ELMOD2: variants seen among roughly 807,000 people sequenced by gnomAD.
The protein encoded by ELMOD2 is ELMO domain containing 2, also known as ELMO domain-containing protein 2.
A neutral mutation model predicts 41.0 loss-of-function variants in ELMOD2; 28 were observed. That is an observed-to-expected ratio of 0.68 (90% CI 0.51 to 0.94). The LOEUF is 0.94. Ranked by LOEUF, ELMOD2 falls within the 40% of genes least tolerant of loss-of-function variation. The pLI, the probability that ELMOD2 is intolerant of heterozygous loss-of-function variation, is 0.00. For synonymous variants in ELMOD2, 106 were observed against 107.2 expected (o/e 0.99, Z 0.07); for missense variants, 333 against 343.1 (o/e 0.97, Z 0.23).
rs1735167490 is a variant in ELMOD2 at position 140,543,392 on chromosome 4, TTTTAA to T, written c.603-56_603-52del. ...CACTTTCTACTAATTCCTAACATAA[TTTTAA>T]TTTATTTTATGAGTTATTTGGCTAG... On this transcript the variant is annotated intron_variant, in intron 7 of 8. Transcript: ENST00000323570. 14 of 1,533,002 alleles carry T rather than the reference TTTTAA, an allele frequency of 9.1e-6. No homozygotes were observed. In the South Asian group the frequency reaches 1.7e-4, roughly 18 times the overall value. The allele number at this position is 1,533,002 out of a possible 1,614,324, so 95.0% of individuals were successfully genotyped here. A position where few individuals can be genotyped will look rare whatever the true frequency, so the allele number is the denominator to read the frequency against.
intron 8 of ELMOD2, among the ~76,000 whole-genome samples, chr4:140,546,916 A>C (rs1236316004): frequency 6.6e-6 from 1 of 152,168 alleles, no homozygotes; most frequent in Non-Finnish European, 1.5e-5. Context: ...TCATCCTGGA[A>C]ACAGTGAAGC....
intron 3 of ELMOD2, among the ~76,000 whole-genome samples, chr4:140,533,202 T>C (rs1432471307): frequency 2.0e-5 from 3 of 152,182 alleles, no homozygotes; most frequent in Non-Finnish European, 2.9e-5. Flanking sequence ...CAGACTACTT[T>C]TGAAGATTCT....
chr4:140,536,997 TAAAG>T (rs1734950176), intron 4 of ELMOD2, among the ~76,000 whole-genome samples: 2 of 152,126 alleles, frequency 1.3e-5, no homozygotes, highest in Non-Finnish European at 2.9e-5. Flanking sequence ...ATCTAGACAC[TAAAG>T]AAAGAGCATG....
intron 3 of ELMOD2, among the ~76,000 whole-genome samples, chr4:140,533,514 G>A (rs1186705860): frequency 2.0e-5 from 3 of 152,050 alleles, no homozygotes; most frequent in Non-Finnish European, 4.4e-5. Context: ...AATTTAATAC[G>A]GATGTTAGAC....
intron 8 of ELMOD2, among the ~76,000 whole-genome samples, chr4:140,544,324 C>T (rs1024240307): frequency 1.3e-5 from 2 of 152,034 alleles, no homozygotes; most frequent in African/African-American, 2.4e-5. Context: ...GTCTCCTTTT[C>T]GCAGAAACTT....
At chr4:140,540,488 T>C (rs962790213) in intron 6 of ELMOD2, among the ~76,000 whole-genome samples, 187 bp downstream of exon 6, 2 of 152,238 alleles carry the variant, frequency 1.3e-5, no homozygotes, top group African/African-American at 4.8e-5. Flanking sequence ...GCACAGTGGC[T>C]CACGCCTGTA....
At chr4:140,541,873 C>A (rs1156514104) in intron 6 of ELMOD2, among the ~76,000 whole-genome samples, 11 of 151,910 alleles carry the variant, frequency 7.2e-5, no homozygotes, top group Admixed American at 6.6e-4. Context: ...ATGAAAATGT[C>A]AATGATTTTG....
Position 140,543,562 on chromosome 4 carries a change from A to C in ELMOD2, c.712A>C (p.Met238Leu). The C allele has an allele frequency of 1.9e-6, 3 of 1,598,306 alleles. No homozygotes were observed. The highest frequency in any genetic ancestry group is 2.6e-6 in the Non-Finnish European group (3 of 1,175,794). ...TAACCTTGTTCCTGGTATACCAACA[A>C]TGGAACACTTTCATCAGTTTTACTG... ...LYNLVPGIPT[M>L]EHFHQFYCYL... Residue 238 changes from methionine to leucine, a missense_variant, in exon 8 of 9, where the codon ATG (methionine) becomes CTG (leucine). By Grantham distance (15) the Met-to-Leu change is conservative (BLOSUM62 2). Coordinates refer to ENST00000323570, the MANE Select transcript of ELMOD2 (RefSeq NM_153702.4).
chr4:140,543,639 A>G lies in ELMOD2; in HGVS notation c.736+53A>G. The stretch of plus-strand genomic sequence containing the variant: ...ATCTTTCTAAGATAATTCTTAAACC[A>G]CTAGGAATGTATAATATATATTTTA... On this transcript the variant is annotated intron_variant, in intron 8 of 8. Coordinates refer to ENST00000323570, the MANE Select transcript of ELMOD2 (RefSeq NM_153702.4). 7.5e-6 allele frequency: 10 copies of G among 1,336,622 alleles called. No individual in the cohort carries two copies. The South Asian group carries it at 1.5e-4, about 20-fold the overall frequency. 82.8% of individuals were successfully genotyped at this position (1,336,622 alleles called of 1,614,324 possible).
At chr4:140,548,748 A>G (rs1735371781) in intron 8 of ELMOD2, among the ~76,000 whole-genome samples, 1 of 152,178 alleles carries the variant, frequency 6.6e-6, no homozygotes, top group Admixed American at 6.6e-5. Context: ...CTGACAGTAT[A>G]TGAGCATTTA....
intron 8 of ELMOD2, 25 bp downstream of exon 8, chr4:140,543,611 T>C (rs747242417): frequency 2.0e-6 from 3 of 1,535,242 alleles, no homozygotes; most frequent in South Asian, 2.5e-5. Context: ...GAGTTAAAAC[T>C]AGATCTTTCT....
Position 140,539,587 on chromosome 4 carries a change from C to G in ELMOD2, c.400-581C>G, listed in dbSNP as rs1401182787. 2.0e-5 allele frequency among the ~76,000 whole-genome samples: 3 copies of G among 152,148 alleles called. No individual in the cohort carries two copies. The East Asian group carries it at 5.8e-4, about 29-fold the overall frequency. The stretch of plus-strand genomic sequence containing the variant: ...GGTCTTGATCTCCTGACCTGGTGAT[C>G]CACCTGCCTCGGCCTCCCAAAGGGC... On this transcript the variant is annotated intron_variant, in intron 5 of 8. Coordinates refer to ENST00000323570, the MANE Select transcript of ELMOD2 (RefSeq NM_153702.4).
At chr4:140,543,343 T>C in intron 7 of ELMOD2, 110 bp from the exon 8 acceptor site, 1 of 1,188,972 alleles carries the variant, frequency 8.4e-7, no homozygotes, top group Non-Finnish European at 1.2e-6. Flanking sequence ...TATCATAAAA[T>C]CAATACTGTG....
intron 4 of ELMOD2, among the ~76,000 whole-genome samples, chr4:140,536,704 A>G (rs925813334): frequency 3.3e-5 from 5 of 152,184 alleles, no homozygotes; most frequent in Admixed American, 3.3e-4. Flanking sequence ...CAAACAAGCT[A>G]CATTTTTAGA....
intron 8 of ELMOD2, among the ~76,000 whole-genome samples, chr4:140,548,167 G>A (rs1279237675): frequency 6.6e-6 from 1 of 152,110 alleles, no homozygotes; most frequent in Non-Finnish European, 1.5e-5. Context: ...ATTACTGACA[G>A]TAATGAAAAA....
Position 140,550,569 on chromosome 4 carries a change from A to G in ELMOD2, c.*194A>G, listed in dbSNP as rs1053920468. 5 of 484,262 alleles carry G rather than the reference A, an allele frequency of 1.0e-5. No individual in the cohort carries two copies. The Admixed American group carries it at 1.3e-4, about 13-fold the overall frequency. 30.0% of individuals were successfully genotyped at this position (484,262 alleles called of 1,614,324 possible). On this transcript the variant is annotated 3_prime_UTR_variant, in exon 9 of 9. Coordinates refer to ENST00000323570, the MANE Select transcript of ELMOD2 (RefSeq NM_153702.4). ...TGTTTATACACTGTTCTCCAAAGGTACCTTATCCTTCCAAAGATCCCCTCT... is the reference window on the plus strand; with the variant it reads ...TGTTTATACACTGTTCTCCAAAGGTGCCTTATCCTTCCAAAGATCCCCTCT...
intron 3 of ELMOD2, among the ~76,000 whole-genome samples, chr4:140,529,797 T>A (rs1207274758): frequency 6.6e-6 from 1 of 152,242 alleles, no homozygotes; most frequent in Non-Finnish European, 1.5e-5. Flanking sequence ...CCATGACCAT[T>A]CTCTACCTAA....
At chr4:140,527,157 G>T (rs1734590598) in intron 2 of ELMOD2, among the ~76,000 whole-genome samples, 1 of 152,182 alleles carries the variant, frequency 6.6e-6, no homozygotes, top group African/African-American at 2.4e-5. Context: ...CTGAGCTACT[G>T]TGACACAATT....
chr4:140,536,840 G>A (rs1472435182), intron 4 of ELMOD2, among the ~76,000 whole-genome samples: 37 of 152,254 alleles, frequency 2.4e-4, no homozygotes, highest in Middle Eastern at 3.4e-3. Context: ...AGGAGAAAGA[G>A]TGCTATGAGG....
Sources: allele counts gnomAD v4.1 joint callset (sites outside exome capture counted in the v4.1 genomes callset), GRCh38; gene constraint gnomAD v4.1.1; transcripts MANE v1.5; gene names NCBI Gene and HGNC (gene_info 2026-07-23, HGNC 2026-07-21).